The following PCDHGB1 variants were observed in gnomAD, a reference collection of about 807,000 sequenced individuals.
PCDHGB1 encodes the protein protocadherin gamma-B1.
In PCDHGB1, 34 loss-of-function variants were observed where a neutral mutation model predicts 56.6. That is an observed-to-expected ratio of 0.60 (90% CI 0.46 to 0.80). The LOEUF (loss-of-function observed/expected upper bound fraction) is 0.80. Ranked by LOEUF, PCDHGB1 falls within the 30% of genes least tolerant of loss-of-function variation. The probability of loss-of-function intolerance (pLI) is 0.00; values close to 1 mark genes in which losing one functional copy is unlikely to be tolerated. For missense variants in PCDHGB1, 1,278 were observed against 1,204.6 expected, an observed-to-expected ratio of 1.06 and a Z score of -0.90; for synonymous variants, 561 against 505.9, an observed-to-expected ratio of 1.11 and a Z score of -1.46.
At position 141,486,579 on chromosome 5, in the gene PCDHGB1, G is replaced by A. The variant is rs747583158; in HGVS notation, c.2410-8228G>A. On this transcript the variant is annotated intron_variant, in intron 1 of 3. Coordinates refer to ENST00000523390, the MANE Select transcript of PCDHGB1 (RefSeq NM_018922.3). The surrounding 1 kb of genome is among the most constrained non-coding windows in gnomAD (Gnocchi z 5.0). ...GAGGTGTTTGTTCCTGAGAACAATC[G>A]CCCAGGGGACCTGCTTTGCTCCCTT... is the stretch of plus-strand genomic sequence containing the variant. The A allele has an allele frequency of 5.1e-5, 82 of 1,613,426 alleles. No homozygotes were observed. Among genetic ancestry groups the A allele is most frequent in the South Asian group, 2.2e-4 (20 of 91,084 alleles).
chr5:141,453,669 G>T (rs1390396079), intron 1 of PCDHGB1, among the ~76,000 whole-genome samples: 1 of 152,034 alleles, frequency 6.6e-6, no homozygotes, highest in Non-Finnish European at 1.5e-5. Context: ...TTACACAAAA[G>T]GTAACACACT....
At position 141,431,176 on chromosome 5, in the gene PCDHGB1, A is replaced by G; in HGVS notation, c.2410-63631A>G. On this transcript the variant is annotated intron_variant, in intron 1 of 3. Coordinates refer to ENST00000523390, the MANE Select transcript of PCDHGB1 (RefSeq NM_018922.3). The surrounding 1 kb of genome is among the most constrained non-coding windows in gnomAD (Gnocchi z 4.8). Reference sequence around the variant, plus strand: ...CTTACTTTCGTGAAAGTGAATTAGAAATAAAAATTAGTGAAAATGCAGCCA... The same window carrying G: ...CTTACTTTCGTGAAAGTGAATTAGAGATAAAAATTAGTGAAAATGCAGCCA... The G allele has an allele frequency of 1.2e-6, 2 of 1,614,212 alleles. No individual in the cohort carries two copies. Among genetic ancestry groups the G allele is most frequent in the Non-Finnish European group, 1.7e-6 (2 of 1,180,032 alleles).
intron 2 of PCDHGB1, among the ~76,000 whole-genome samples, chr5:141,499,884 C>T (rs917762715): frequency 2.0e-5 from 3 of 152,014 alleles, no homozygotes; most frequent in Admixed American, 6.5e-5. Flanking sequence ...AACAGGGTTT[C>T]GCCATGTTGG....
At chr5:141,374,137 G>T (rs1479377011) in intron 1 of PCDHGB1, 11 of 1,606,212 alleles carry the variant, frequency 6.8e-6, no homozygotes, top group African/African-American at 1.3e-5. Flanking sequence ...TGCTCCTCAC[G>T]CTCCTGGGGA....
At position 141,511,520 on chromosome 5, in the gene PCDHGB1, A is replaced by C; in HGVS notation, c.*347A>C. On this transcript the variant is annotated 3_prime_UTR_variant, in exon 4 of 4. Coordinates refer to ENST00000523390, the MANE Select transcript of PCDHGB1 (RefSeq NM_018922.3). Reference sequence around the variant, plus strand: ...CAAATCAATCAGGCCCATCCATCCCATGCCTCCCTCCTCCCCACCCCACTC... The same window carrying C: ...CAAATCAATCAGGCCCATCCATCCCCTGCCTCCCTCCTCCCCACCCCACTC... The C allele has an allele frequency of 2.8e-6, 1 of 358,498 alleles. No homozygotes were observed. Among genetic ancestry groups the C allele is most frequent in the Non-Finnish European group, 5.3e-6 (1 of 189,848 alleles). 22.2% of individuals were successfully genotyped at this position (358,498 alleles called of 1,614,324 possible).
In PCDHGB1 at chr5:141,477,877, C is replaced by A; in HGVS notation, c.2410-16930C>A. 1 of 1,614,170 alleles carries A rather than the reference C, an allele frequency of 6.2e-7. No homozygotes were observed. The highest frequency in any genetic ancestry group is 8.5e-7 in the Non-Finnish European group (1 of 1,180,036). On this transcript the variant is annotated intron_variant, in intron 1 of 3. Transcript: ENST00000523390. This position sits in a 1 kb window ranked among gnomAD's most constrained non-coding sequence, Gnocchi z 4.9. The stretch of plus-strand genomic sequence containing the variant: ...TGCTGCCTCGAGGTACCTCAGCTGG[C>A]CACCTAGTGTCACGGGTGGTAGGCT...
chr5:141,415,041 G>T, intron 1 of PCDHGB1: 1 of 1,613,530 alleles, frequency 6.2e-7, no homozygotes, highest in Non-Finnish European at 8.5e-7. Flanking sequence ...GACTCTTCGC[G>T]GTGGGGGAGC....
At position 141,498,971 on chromosome 5, in the gene PCDHGB1, G is replaced by GGGAAGGAAGGAA. The variant is rs201769957; in HGVS notation, c.2468+4152_2468+4163dup. On this transcript the variant is annotated intron_variant, in intron 2 of 3. Coordinates refer to ENST00000523390, the MANE Select transcript of PCDHGB1 (RefSeq NM_018922.3). ...AAAAAGAGAGAGAGGGAGGGAGGGA[G>GGGAAGGAAGGAA]GGAAGGAAGGAAGGAAGGAAGGAAG... 6.8e-3 allele frequency among the ~76,000 whole-genome samples: 758 copies of GGGAAGGAAGGAA among 111,036 alleles called. 12 individuals are homozygous for GGGAAGGAAGGAA. Among genetic ancestry groups the GGGAAGGAAGGAA allele is most frequent in the African/African-American group, 0.021 (585 of 27,816 alleles). 72.8% of individuals were successfully genotyped at this position (111,036 alleles called of 152,430 possible). A position where few individuals can be genotyped will look rare whatever the true frequency, so the allele number is the denominator to read the frequency against.
chr5:141,410,079 T>A, intron 1 of PCDHGB1: 1 of 1,612,494 alleles, frequency 6.2e-7, no homozygotes, highest in Non-Finnish European at 8.5e-7. Context: ...ACTGGGGAGG[T>A]GCGCACGGCT....
At chr5:141,392,837 C>T (rs772636303) in intron 1 of PCDHGB1, 1 of 1,608,294 alleles carries the variant, frequency 6.2e-7, no homozygotes. Context: ...AGAGTCGCCC[C>T]AGACGCGGCG....
chr5:141,483,444 T>C (rs956913442), intron 1 of PCDHGB1, among the ~76,000 whole-genome samples: 1 of 152,108 alleles, frequency 6.6e-6, no homozygotes, highest in African/African-American at 2.4e-5. Context: ...TACAATAAAA[T>C]CATCAGGACT....
At chr5:141,417,932 T>A (rs1398348549) in intron 1 of PCDHGB1, 2 of 1,611,670 alleles carry the variant, frequency 1.2e-6, no homozygotes, top group East Asian at 4.5e-5. Flanking sequence ...GCTGCCTTTG[T>A]TCTACCCCAC....
chr5:141,422,052 CG>C (rs1282698929), intron 1 of PCDHGB1: 1 of 1,611,298 alleles, frequency 6.2e-7, no homozygotes, highest in South Asian at 1.1e-5. Context: ...AGGGAATCAA[CG>C]GGGAAGTAAT....
chr5:141,394,701 C>T lies in PCDHGB1; in HGVS notation c.2409+42032C>T, dbSNP rs375281416. Reference sequence around the variant, plus strand: ...GCACACGGGCGAGGTGCGCACGGCGCGAGCCCTGCTGGACAGAGATGCGCT... The same window carrying T: ...GCACACGGGCGAGGTGCGCACGGCGTGAGCCCTGCTGGACAGAGATGCGCT... On this transcript the variant is annotated intron_variant, in intron 1 of 3. Coordinates refer to ENST00000523390, the MANE Select transcript of PCDHGB1 (RefSeq NM_018922.3). The T allele has an allele frequency of 1.0e-4, 163 of 1,613,044 alleles. 1 individual carries two copies. The highest frequency in any genetic ancestry group is 1.3e-4 in the Non-Finnish European group (159 of 1,179,888).
At chr5:141,393,167 G>A (rs889451396) in intron 1 of PCDHGB1, 9 of 1,613,166 alleles carry the variant, frequency 5.6e-6, no homozygotes, top group Non-Finnish European at 7.6e-6. Flanking sequence ...AACTCTTTGG[G>A]GTAGAAATAG....
chr5:141,501,530 G>T (rs556760554), intron 2 of PCDHGB1, among the ~76,000 whole-genome samples: 1 of 151,998 alleles, frequency 6.6e-6, no homozygotes, highest in East Asian at 1.9e-4. Flanking sequence ...AGCCCAGTAC[G>T]TTGTTGTGCA....
intron 1 of PCDHGB1, among the ~76,000 whole-genome samples, chr5:141,396,827 T>G (rs1339802094): frequency 6.6e-6 from 1 of 152,218 alleles, no homozygotes; most frequent in East Asian, 1.9e-4. Flanking sequence ...TGGTGCATAT[T>G]CAGTGGAGTG....
intron 1 of PCDHGB1, chr5:141,478,595 T>A: frequency 6.4e-7 from 1 of 1,567,880 alleles, no homozygotes; most frequent in Non-Finnish European, 8.7e-7. Flanking sequence ...TTTTTATTCC[T>A]ACATCATATT....
chr5:141,350,368 A>T lies in PCDHGB1; in HGVS notation c.108A>T (p.Pro36=), dbSNP rs1237680615. The change falls in exon 1 of 4, where the codon CCA becomes CCT. Residue 36 remains proline (P), a synonymous_variant. Transcript: ENST00000523390. ...AISQQIRYTI[P]EELANGSRVG... ...CCCAGCAGATCCGATACACGATTCC[A>T]GAGGAGCTAGCCAACGGCTCACGGG... is the stretch of plus-strand genomic sequence containing the variant. 6 of 1,581,266 alleles carry T rather than the reference A, an allele frequency of 3.8e-6. No individual in the cohort carries two copies. In the South Asian group the frequency reaches 7.0e-5, roughly 19 times the overall value.
Sources: gnomAD v4.1 joint callset for allele counts (sites outside exome capture counted in the v4.1 genomes callset) on GRCh38, gnomAD v4.1.1 for gene constraint, Gnocchi (gnomAD v3.1) non-coding constraint, MANE v1.5 for transcripts, NCBI Gene and HGNC (gene_info 2026-07-23, HGNC 2026-07-21) for gene names.